DVL1: variants seen among roughly 807,000 people sequenced by gnomAD.
The protein encoded by DVL1 is segment polarity protein dishevelled homolog DVL-1.
Under a neutral mutation model 65.0 loss-of-function variants are expected in DVL1, and 49 were observed. That is an observed-to-expected ratio of 0.75 (90% CI 0.60 to 0.96). The LOEUF is 0.96. Ranked by LOEUF, DVL1 falls within the 40% of genes least tolerant of loss-of-function variation. The pLI, the probability that DVL1 is intolerant of heterozygous loss-of-function variation, is 0.00. For missense variants in DVL1, 1,197 were observed against 1,045.4 expected, an observed-to-expected ratio of 1.15 and a Z score of -2.00; for synonymous variants, 608 against 433.9, an observed-to-expected ratio of 1.40 and a Z score of -4.99.
rs376204834 is a variant in DVL1 at position 1,336,200 on chromosome 1, C to A, written c.2030G>T (p.Arg677Leu). Residue 677 changes from arginine to leucine, a missense_variant, in exon 15 of 15, where the codon CGC becomes CTC. By Grantham distance (102) the Arg-to-Leu change is moderately radical. Transcript: ENST00000378888. ...AAVPPELTGSRQSFQKAMGNP... is the reference protein window; with the variant it reads ...AAVPPELTGSLQSFQKAMGNP... ...CCCCATAGCCTTCTGGAAGGACTGG[C>A]GGCTGCCTGTCAATTCCGGGGGGAC... 17 of 1,564,500 alleles carry A rather than the reference C, an allele frequency of 1.1e-5. No homozygotes were observed. The South Asian group carries it at 1.2e-4, about 11-fold the overall frequency.
chr1:1,339,585 G>T lies in DVL1; in HGVS notation c.1051C>A (p.Arg351=), dbSNP rs759091815. The change falls in exon 10 of 15, where the codon CGG becomes AGG. Residue 351 remains arginine, a synonymous_variant. Transcript: ENST00000378888. Reference sequence around the variant, plus strand: ...GTGTGCCCCGAGGGCCACTCACCCCGTGGGACGGTGAAGTAGCTTCGGGGC... The same window carrying T: ...GTGTGCCCCGAGGGCCACTCACCCCTTGGGACGGTGAAGTAGCTTCGGGGC... ...PTPRSYFTVP[R]ADPVRPIDPA... 6.2e-7 allele frequency: 1 copy of T among 1,604,346 alleles called. No individual in the cohort carries two copies. The highest frequency in any genetic ancestry group is 1.3e-5 in the African/African-American group (1 of 74,630).
chr1:1,340,489 G>C lies in DVL1; in HGVS notation c.620C>G (p.Thr207Arg), dbSNP rs1172080563. 1.2e-6 allele frequency: 2 copies of C among 1,606,780 alleles called. No individual in the cohort carries two copies. Among genetic ancestry groups the C allele is most frequent in the African/African-American group, 1.3e-5 (1 of 74,998 alleles). Residue 207 changes from threonine (T) to arginine (R), a missense_variant, in exon 6 of 15, where the codon ACG (threonine) becomes AGG (arginine). Coordinates refer to ENST00000378888, the MANE Select transcript of DVL1 (RefSeq NM_001330311.2). ...DGSTSRLSSS[T>R]EQSTSSRLIR... The stretch of plus-strand genomic sequence containing the variant: ...GAGTCTGGATGAGGTGCTCTGCTCC[G>C]TGGAGCTGCTGAGCCTGGGAACAGA...
At chr1:1,344,218 C>T (rs1366175142) in intron 1 of DVL1, among the ~76,000 whole-genome samples, 5 of 152,186 alleles carry the variant, frequency 3.3e-5, no homozygotes, top group Admixed American at 2.0e-4. Flanking sequence ...TTTCCACGCC[C>T]GGGACTTGGG....
intron 8 of DVL1, 39 bp downstream of exon 8, chr1:1,339,999 C>T (rs1488418835): frequency 6.3e-7 from 1 of 1,595,206 alleles, no homozygotes; most frequent in Admixed American, 1.7e-5. Context: ...ACGGACCCAC[C>T]CGCAGCTACA....
chr1:1,337,729 C>T (rs1484980171), intron 14 of DVL1: 1 of 690,550 alleles, frequency 1.4e-6, no homozygotes, highest in South Asian at 1.5e-5. Context: ...CTGTCCTCCC[C>T]ATTCACACTG....
At chr1:1,338,473 C>A (rs767509229) in intron 12 of DVL1, 37 bp from the exon 13 acceptor site, 1 of 1,608,706 alleles carries the variant, frequency 6.2e-7, no homozygotes, top group Non-Finnish European at 8.5e-7. Flanking sequence ...AGCCTCGAGG[C>A]AAGCAGCCCT....
At position 1,338,113 on chromosome 1, in the gene DVL1, G is replaced by C. The variant is rs749850446; in HGVS notation, c.1578C>G (p.Pro526=). The C allele has an allele frequency of 2.5e-6, 4 of 1,609,696 alleles. No individual in the cohort carries two copies. Among genetic ancestry groups the C allele is most frequent in the Admixed American group, 3.3e-5 (2 of 59,720 alleles). The part of the protein sequence containing the change: ...TSDQDTLAPL[P]HPAAPWPLGQ... ...CCAGAGGCCAGGGGGCAGCCGGGTGGGGCAGCGGGGCCAGCGTGTCCTGAT... is the reference window on the plus strand; with the variant it reads ...CCAGAGGCCAGGGGGCAGCCGGGTGCGGCAGCGGGGCCAGCGTGTCCTGAT... The change falls in exon 14 of 15, where the codon CCC becomes CCG. Residue 526 remains proline, a synonymous_variant. Coordinates refer to ENST00000378888, the MANE Select transcript of DVL1 (RefSeq NM_001330311.2).
chr1:1,339,334 G>T lies in DVL1; in HGVS notation c.1160C>A (p.Thr387Lys), dbSNP rs1398232750. The part of the protein sequence containing the change: ...YGTSPCSSAV[T>K]RTSSSSLTSS... ...GGTTAGTGAGGAGGAGCTGGTGCGCGTGACGGCGCTGGAGCAGGGACTCGT... is the reference window on the plus strand; with the variant it reads ...GGTTAGTGAGGAGGAGCTGGTGCGCTTGACGGCGCTGGAGCAGGGACTCGT... Residue 387 changes from threonine to lysine, a missense_variant, in exon 11 of 15, where the codon ACG becomes AAG. Transcript: ENST00000378888. 7.7e-6 allele frequency: 12 copies of T among 1,548,550 alleles called. No homozygotes were observed. Among genetic ancestry groups the T allele is most frequent in the Non-Finnish European group, 9.6e-6 (11 of 1,146,890 alleles).
At chr1:1,336,553 C>T in intron 14 of DVL1, 38 bp from the exon 15 acceptor site, 1 of 1,482,856 alleles carries the variant, frequency 6.7e-7, no homozygotes, top group Admixed American at 2.3e-5. Context: ...AGCCTGTCAG[C>T]ACCAGGCCCG....
chr1:1,348,944 G>A lies in DVL1; in HGVS notation c.122C>T (p.Pro41Leu), dbSNP rs1396316883. ...ADFKNVLSNR[P>L]VHAYKFFFKS... The stretch of plus-strand genomic sequence containing the variant: ...AAAGAAGAATTTGTAGGCGTGCACG[G>A]GCCGGTTGCTGAGCACGTTCTTGAA... The change falls in exon 1 of 15, where the codon CCC (proline) becomes CTC (leucine). Residue 41 changes from proline (P) to leucine (L), a missense_variant. Transcript: ENST00000378888. 3 of 1,575,062 alleles carry A rather than the reference G, an allele frequency of 1.9e-6. No homozygotes were observed. The highest frequency in any genetic ancestry group is 1.4e-5 in the African/African-American group (1 of 72,252).
chr1:1,335,936 G>A lies in DVL1; in HGVS notation c.*206C>T. On this transcript the variant is annotated 3_prime_UTR_variant, in exon 15 of 15. Transcript: ENST00000378888. ...TCCGAGGCTCTCGCTGAGGGGCAGA[G>A]AGGGAGCGCCCCCAACACGGCTGCT... 1 of 653,170 alleles carries A rather than the reference G, an allele frequency of 1.5e-6. No individual in the cohort carries two copies. Among genetic ancestry groups the A allele is most frequent in the African/African-American group, 1.8e-5 (1 of 54,512 alleles). 40.5% of individuals were successfully genotyped at this position (653,170 alleles called of 1,614,324 possible).
intron 14 of DVL1, chr1:1,336,875 GC>G: frequency 1.8e-6 from 1 of 562,334 alleles, no homozygotes; most frequent in Non-Finnish European, 2.3e-6. Flanking sequence ...CCCACCCAAG[GC>G]CCCACTGTCC....
chr1:1,347,859 C>T (rs938370249), intron 1 of DVL1, among the ~76,000 whole-genome samples: 2 of 152,168 alleles, frequency 1.3e-5, no homozygotes, highest in Non-Finnish European at 2.9e-5. Flanking sequence ...TTTGCCTGGT[C>T]GTGGGGGTGG....
Position 1,336,170 on chromosome 1 carries a change from G to T in DVL1, c.2060C>A (p.Pro687His), listed in dbSNP as rs1258802306. ...RQSFQKAMGN[P>H]CEFFVDIM ...CATGATGTCCACGAAGAACTCGCAG[G>T]GGTTCCCCATAGCCTTCTGGAAGGA... The change falls in exon 15 of 15, where the codon CCC becomes CAC. Residue 687 changes from proline to histidine, a missense_variant. Coordinates refer to ENST00000378888, the MANE Select transcript of DVL1 (RefSeq NM_001330311.2). 2 of 1,574,992 alleles carry T rather than the reference G, an allele frequency of 1.3e-6. No individual in the cohort carries two copies. The highest frequency in any genetic ancestry group is 1.7e-6 in the Non-Finnish European group (2 of 1,166,596).
chr1:1,342,015 G>A (rs765300536), intron 4 of DVL1, 38 bp downstream of exon 4: 2 of 1,519,020 alleles, frequency 1.3e-6, no homozygotes, highest in African/African-American at 1.4e-5. Flanking sequence ...TCCCAGGGAG[G>A]CTGGGGGTCC....
intron 1 of DVL1, among the ~76,000 whole-genome samples, chr1:1,344,460 A>T (rs1409623122): frequency 6.6e-6 from 1 of 151,990 alleles, no homozygotes; most frequent in Non-Finnish European, 1.5e-5. Context: ...TGGCCCACCC[A>T]CTTGCTGGGA....
chr1:1,336,995 C>A lies in DVL1; in HGVS notation c.1715-480G>T. 5 of 991,610 alleles carry A rather than the reference C, an allele frequency of 5.0e-6. No individual in the cohort carries two copies. In the South Asian group the frequency reaches 1.4e-4, roughly 28 times the overall value. 61.4% of individuals were successfully genotyped at this position (991,610 alleles called of 1,614,324 possible). On this transcript the variant is annotated intron_variant, in intron 14 of 14. Transcript: ENST00000378888. The stretch of plus-strand genomic sequence containing the variant: ...GGCTGGCTGGGGACATGCTGAGGGA[C>A]CCCGGGCGGGACCCTGGCTTACCGG...
rs373403505 is a variant in DVL1, at chr1:1,336,127, G to A, written c.*15C>T. The A allele has an allele frequency of 6.4e-7, 1 of 1,570,568 alleles. No individual in the cohort carries two copies. Among genetic ancestry groups the A allele is most frequent in the South Asian group, 1.1e-5 (1 of 87,176 alleles). The stretch of plus-strand genomic sequence containing the variant: ...AGCTCCCCACCTCAGGCAGGGCTGG[G>A]GCATGCGCCACGAGTCACATGATGT... On this transcript the variant is annotated 3_prime_UTR_variant, in exon 15 of 15. Coordinates refer to ENST00000378888, the MANE Select transcript of DVL1 (RefSeq NM_001330311.2).
rs959700930 is a variant in DVL1, at chr1:1,349,152, C to A, written c.-87G>T. On this transcript the variant is annotated 5_prime_UTR_variant, in exon 1 of 15. Transcript: ENST00000378888. This position sits in a 1 kb window ranked among gnomAD's most constrained non-coding sequence, Gnocchi z 4.1. ...GCTACCCGCCCGCCCGCCTGCGCCC[C>A]GCCCGGCCCGCACCGCTCTCGGCCC... 19 of 810,746 alleles carry A rather than the reference C, an allele frequency of 2.3e-5. No individual in the cohort carries two copies. Among genetic ancestry groups the A allele is most frequent in the Non-Finnish European group, 2.7e-5 (18 of 673,178 alleles). The allele number at this position is 810,746 out of a possible 1,614,324, so 50.2% of individuals were successfully genotyped here. A position where few individuals can be genotyped will look rare whatever the true frequency, so the allele number is the denominator to read the frequency against.
Sources: allele counts gnomAD v4.1 joint callset (sites outside exome capture counted in the v4.1 genomes callset), GRCh38; gene constraint gnomAD v4.1.1; non-coding constraint Gnocchi (gnomAD v3.1); transcripts MANE v1.5; gene names NCBI Gene and HGNC (gene_info 2026-07-23, HGNC 2026-07-21).